The following MTF2 variants were observed in gnomAD, a reference collection of about 807,000 sequenced individuals.
MTF2 encodes metal-response element-binding transcription factor 2.
In MTF2, 11 loss-of-function variants were observed where a neutral mutation model predicts 79.5. The observed-to-expected ratio is 0.14, with a 90% CI of 0.09 to 0.23. The LOEUF (loss-of-function observed/expected upper bound fraction) is 0.23. Among genes scored for constraint, MTF2 ranks in the 10% least tolerant of loss-of-function variants. The probability of loss-of-function intolerance (pLI) is 1.00; values close to 1 mark genes in which losing one functional copy is unlikely to be tolerated. For missense variants in MTF2, 486 were observed against 711.2 expected, an observed-to-expected ratio of 0.68 and a Z score of 3.60; for synonymous variants, 208 against 232.8, an observed-to-expected ratio of 0.89 and a Z score of 0.97.
At chr1:93,134,343 C>T in intron 14 of MTF2, 148 bp downstream of exon 14, 1 of 591,856 alleles carries the variant, frequency 1.7e-6, no homozygotes, top group South Asian at 2.3e-5. Flanking sequence ...ATGTAGATCC[C>T]AATAGTTGTT....
chr1:93,136,536 G>T, intron 14 of MTF2, 134 bp from the exon 15 acceptor site: 1 of 735,154 alleles, frequency 1.4e-6, no homozygotes, highest in Non-Finnish European at 2.3e-6. Context: ...AGCATTTATT[G>T]TTTGGGTTTG....
intron 1 of MTF2, among the ~76,000 whole-genome samples, chr1:93,100,073 TTTGAAG>T (rs1367152239): frequency 1.3e-5 from 2 of 152,084 alleles, no homozygotes; most frequent in East Asian, 3.9e-4. Context: ...AGAAGTCAGA[TTTGAAG>T]TTGATCAGTT....
At chr1:93,106,583 G>A (rs1278060337) in intron 1 of MTF2, among the ~76,000 whole-genome samples, 5 of 149,364 alleles carry the variant, frequency 3.3e-5, no homozygotes, top group Admixed American at 6.7e-5. Flanking sequence ...GCAATGGTGC[G>A]ATCTTAGCTC....
intron 1 of MTF2, among the ~76,000 whole-genome samples, chr1:93,094,575 C>A (rs758779853): frequency 2.0e-5 from 3 of 151,906 alleles, no homozygotes; most frequent in Non-Finnish European, 4.4e-5. Context: ...TTGTCATGTG[C>A]ATTTCCTAAC....
intron 1 of MTF2, among the ~76,000 whole-genome samples, chr1:93,097,809 G>T (rs1405440615): frequency 6.6e-6 from 1 of 152,020 alleles, no homozygotes; most frequent in Non-Finnish European, 1.5e-5. Flanking sequence ...TGTTGGCCGG[G>T]CTGGTCGCGA....
chr1:93,112,715 G>C (rs1656077827), intron 3 of MTF2, among the ~76,000 whole-genome samples: 1 of 152,146 alleles, frequency 6.6e-6, no homozygotes, highest in Non-Finnish European at 1.5e-5. Context: ...AATGGCCAAG[G>C]CTTTCTAGTC....
At chr1:93,115,721 A>G in intron 6 of MTF2, 103 bp downstream of exon 6, 1 of 892,178 alleles carries the variant, frequency 1.1e-6, no homozygotes, top group Non-Finnish European at 1.6e-6. Flanking sequence ...AACTGCATGA[A>G]CACATCAGTG....
chr1:93,119,306 ACTTTTT>A, intron 7 of MTF2, 21 bp from the exon 8 acceptor site: 1 of 1,421,646 alleles, frequency 7.0e-7, no homozygotes, highest in Non-Finnish European at 9.6e-7. Context: ...TCAGTATAAA[ACTTTTT>A]CTTTTTTTTT....
At chr1:93,085,759 A>G (rs1654810804) in intron 1 of MTF2, among the ~76,000 whole-genome samples, 1 of 152,114 alleles carries the variant, frequency 6.6e-6, no homozygotes, top group Non-Finnish European at 1.5e-5. Flanking sequence ...AGGTGCTGGG[A>G]TTACAGGCAT....
At chr1:93,082,421 C>G (rs1443278715) in intron 1 of MTF2, among the ~76,000 whole-genome samples, 1 of 152,050 alleles carries the variant, frequency 6.6e-6, no homozygotes, top group Non-Finnish European at 1.5e-5. Context: ...GTTAGGACTA[C>G]AGGTGCACAC....
In MTF2 at chr1:93,121,743, C is replaced by CT. The variant is rs201456183; in HGVS notation, c.921+1080dup. 4.2e-4 allele frequency: 376 copies of CT among 902,764 alleles called. 2 individuals carry two copies. The African/African-American group carries it at 5.4e-3, about 13-fold the overall frequency. 55.9% of individuals were successfully genotyped at this position (902,764 alleles called of 1,614,324 possible). A position where few individuals can be genotyped will look rare whatever the true frequency, so the allele number is the denominator to read the frequency against. ...TTTTTGTTAAGTTTTCTGTTAAATA[C>CT]TTTTTTTTTAGATGAAGTCTGAGAG... On this transcript the variant is annotated intron_variant, in intron 9 of 14. Transcript: ENST00000370298.
At chr1:93,134,240 ATTTCT>A (rs754658421) in intron 14 of MTF2, 45 bp downstream of exon 14, 9 of 1,378,898 alleles carry the variant, frequency 6.5e-6, no homozygotes, top group African/African-American at 2.9e-5. Context: ...TTTACTCTAG[ATTTCT>A]TTTCTTTGTA....
At position 93,137,256 on chromosome 1, in the gene MTF2, GA is replaced by G. The variant is rs1276495682; in HGVS notation, c.*230del. The stretch of plus-strand genomic sequence containing the variant: ...AGAGACTTAATTTTTTAAATCTTAA[GA>G]TTTGTAGAATGTTTCTAGGATAGGA... On this transcript the variant is annotated 3_prime_UTR_variant, in exon 15 of 15. Coordinates refer to ENST00000370298, the MANE Select transcript of MTF2 (RefSeq NM_007358.4). 2.5e-6 allele frequency: 1 copy of G among 397,056 alleles called. No individual in the cohort carries two copies. The highest frequency in any genetic ancestry group is 4.0e-5 in the Admixed American group (1 of 24,976). 24.6% of individuals were successfully genotyped at this position (397,056 alleles called of 1,614,324 possible).
At position 93,134,098 on chromosome 1, in the gene MTF2, G is replaced by T. The variant is rs754235699; in HGVS notation, c.1327G>T (p.Glu443Ter). 6.2e-7 allele frequency: 1 copy of T among 1,609,698 alleles called. No individual in the cohort carries two copies. Residue 443 changes from glutamate to a stop codon, truncating the protein, a stop_gained, in exon 14 of 15, where the codon GAG becomes TAG. Transcript: ENST00000370298. LOFTEE classifies it high-confidence loss of function. ...LDLPCSIGRT[E>*]GTAHSSNTSD... is the part of the protein sequence containing the mutation. Reference sequence around the variant, plus strand: ...TAAATTCTTTTGTCTCAGGAGAACTGAGGGAACTGCACATTCATCCAATAC... The same window carrying T: ...TAAATTCTTTTGTCTCAGGAGAACTTAGGGAACTGCACATTCATCCAATAC...
Position 93,129,351 on chromosome 1 carries a change from C to A in MTF2, c.1063C>A (p.Pro355Thr). The change falls in exon 11 of 15, where the codon CCA (proline) becomes ACA (threonine). Residue 355 changes from proline to threonine, a missense_variant. Around this residue, in one of 4 missense-constraint regions of MTF2, gnomAD observed 177 missense variants for 364.0 expected, o/e 0.49. Coordinates refer to ENST00000370298, the MANE Select transcript of MTF2 (RefSeq NM_007358.4). ...GLRIRVPPVP[P>T]NVAFKAEKEP... ...GCGAATTCGTGTTCCTCCTGTGCCA[C>A]CAAATGTGGCTTTCAAAGCAGAGAA... The A allele has an allele frequency of 6.3e-7, 1 of 1,596,034 alleles. No homozygotes were observed. Among genetic ancestry groups the A allele is most frequent in the South Asian group, 1.1e-5 (1 of 88,438 alleles).
At chr1:93,108,343 A>G (rs539181917) in intron 1 of MTF2, among the ~76,000 whole-genome samples, 1 of 152,266 alleles carries the variant, frequency 6.6e-6, no homozygotes, top group South Asian at 2.1e-4. Flanking sequence ...CAATCGTAGT[A>G]GTATTCATTG....
chr1:93,114,982 A>G lies in MTF2; in HGVS notation c.383-6A>G, dbSNP rs2101064737. The G allele has an allele frequency of 1.3e-6, 2 of 1,568,594 alleles. No individual in the cohort carries two copies. Among genetic ancestry groups the G allele is most frequent in the South Asian group, 2.3e-5 (2 of 86,530 alleles). Reference sequence around the variant, plus strand: ...GAATTTGCTTTATGCTTTTTTTGATATTAAGGATATCATCAGTTGTGTCAC... The same window carrying G: ...GAATTTGCTTTATGCTTTTTTTGATGTTAAGGATATCATCAGTTGTGTCAC... On this transcript the variant is annotated splice_region_variant and splice_polypyrimidine_tract_variant and intron_variant, in intron 4 of 14. Coordinates refer to ENST00000370298, the MANE Select transcript of MTF2 (RefSeq NM_007358.4).
chr1:93,111,890 C>T (rs1052420458), intron 3 of MTF2, among the ~76,000 whole-genome samples: 18 of 152,020 alleles, frequency 1.2e-4, no homozygotes, highest in African/African-American at 4.3e-4. Context: ...CTTTTTACTC[C>T]CCTTCCATTA....
At chr1:93,116,548 G>A (rs1045786868) in intron 6 of MTF2, among the ~76,000 whole-genome samples, 3 of 138,064 alleles carry the variant, frequency 2.2e-5, no homozygotes, top group South Asian at 2.2e-4. Context: ...CTGTTGCCTC[G>A]GCTGGAGTGC....
Sources: allele counts gnomAD v4.1 joint callset (sites outside exome capture counted in the v4.1 genomes callset), GRCh38; gene constraint gnomAD v4.1.1; regional missense constraint gnomAD v4.1.1; transcripts MANE v1.5; gene names NCBI Gene and HGNC (gene_info 2026-07-23, HGNC 2026-07-21).